The following PKN2 variants were observed in gnomAD, a reference collection of about 807,000 sequenced individuals.
The protein encoded by PKN2 is protein kinase N2.
A neutral mutation model predicts 119.1 loss-of-function variants in PKN2; 38 were observed. The observed-to-expected ratio is 0.32, with a 90% confidence interval of 0.25 to 0.42. The LOEUF is 0.42. PKN2 is among the 10% of genes least tolerant of loss of function. The probability of loss-of-function intolerance (pLI) is 1.00; values close to 1 mark genes in which losing one functional copy is unlikely to be tolerated. For missense variants in PKN2, 850 were observed against 1,165.1 expected, an observed-to-expected ratio of 0.73 and a Z score of 3.94; for synonymous variants, 390 against 384.9, an observed-to-expected ratio of 1.01 and a Z score of -0.15.
chr1:88,747,200 G>A (rs1668804147), intron 2 of PKN2, among the ~76,000 whole-genome samples: 1 of 152,116 alleles, frequency 6.6e-6, no homozygotes, highest in African/African-American at 2.4e-5. Context: ...CTATTACACA[G>A]CATGGTGACT....
chr1:88,797,637 A>G (rs2100856969), intron 8 of PKN2, among the ~76,000 whole-genome samples: 1 of 141,178 alleles, frequency 7.1e-6, no homozygotes, highest in South Asian at 2.3e-4. Flanking sequence ...ACTCCGTCTC[A>G]AAAAAAAAAA....
chr1:88,831,531 T>C (rs1036964973), intron 19 of PKN2, among the ~76,000 whole-genome samples: 1 of 151,906 alleles, frequency 6.6e-6, no homozygotes, highest in African/African-American at 2.4e-5. Flanking sequence ...GTATTTTGAG[T>C]GAGTGAATGA....
chr1:88,793,435 C>T (rs773943338), intron 8 of PKN2, among the ~76,000 whole-genome samples: 1 of 152,124 alleles, frequency 6.6e-6, no homozygotes, highest in Non-Finnish European at 1.5e-5. Flanking sequence ...ACGTATAAGT[C>T]GACCTGTACA....
chr1:88,797,195 G>A (rs1468747112), intron 8 of PKN2, among the ~76,000 whole-genome samples: 2 of 152,020 alleles, frequency 1.3e-5, no homozygotes, highest in African/African-American at 4.8e-5. Context: ...TCAGCCATGT[G>A]TGGTGGCAAG....
chr1:88,763,238 G>C (rs1669517169), intron 3 of PKN2, among the ~76,000 whole-genome samples: 1 of 152,214 alleles, frequency 6.6e-6, no homozygotes, highest in Admixed American at 6.5e-5. Flanking sequence ...TACCTTAAAA[G>C]ATAGATGGAG....
intron 3 of PKN2, among the ~76,000 whole-genome samples, chr1:88,762,629 A>G (rs767815231): frequency 6.6e-6 from 1 of 152,206 alleles, no homozygotes; most frequent in Non-Finnish European, 1.5e-5. Context: ...CAGGTACTCA[A>G]TATATAATAT....
rs202051204 is a variant in PKN2, at chr1:88,783,505, CTTTG to C, written c.986-1127_986-1124del. Among the ~76,000 whole-genome samples the C allele has an allele frequency of 3.8e-3, 583 of 152,176 alleles. 12 individuals are homozygous for C. The highest frequency in any genetic ancestry group is 0.032 in the East Asian group (164 of 5,180). Reference sequence around the variant, plus strand: ...TTTTTTGGTAGTTTGAATTGGGAAGCTTTGTTTGTTACTACTTGGATAGAAATAT... The same window carrying C: ...TTTTTTGGTAGTTTGAATTGGGAAGCTTTGTTACTACTTGGATAGAAATAT... On this transcript the variant is annotated intron_variant, in intron 6 of 21. Coordinates refer to ENST00000370521, the MANE Select transcript of PKN2 (RefSeq NM_006256.4).
rs768329747 is a variant in PKN2, at chr1:88,805,643, C to A, written c.1648C>A (p.Arg550Ser). The A allele has an allele frequency of 1.2e-6, 2 of 1,613,978 alleles. No homozygotes were observed. Among genetic ancestry groups the A allele is most frequent in the Non-Finnish European group, 1.7e-6 (2 of 1,179,984 alleles). The change falls in exon 11 of 22, where the codon CGC (arginine) becomes AGC (serine). Residue 550 changes from arginine to serine, a missense_variant. This residue lies in a region of PKN2 where 216 missense variants were observed against 252.8 expected (regional missense o/e 0.85). Transcript: ENST00000370521. ...TACTACAGTGCCAGTGGTTGATGTACGCATCCCTCAACTAGCACCTCCAGC... is the reference window on the plus strand; with the variant it reads ...TACTACAGTGCCAGTGGTTGATGTAAGCATCCCTCAACTAGCACCTCCAGC... ...VPTTVPVVDV[R>S]IPQLAPPASD...
Position 88,833,403 on chromosome 1 carries a change from G to A in PKN2, c.2910G>A (p.Glu970=), listed in dbSNP as rs755359068. The part of the protein sequence containing the change: ...PREPRILSEE[E]QEMFRDFDYI... ...AACCAAGGATACTTTCGGAAGAGGAGCAGGAAATGTTCAGAGATTTTGACT... is the reference window on the plus strand; with the variant it reads ...AACCAAGGATACTTTCGGAAGAGGAACAGGAAATGTTCAGAGATTTTGACT... Residue 970 remains glutamate, a synonymous_variant, in exon 22 of 22, where the codon GAG becomes GAA. Coordinates refer to ENST00000370521, the MANE Select transcript of PKN2 (RefSeq NM_006256.4). The A allele has an allele frequency of 2.5e-6, 4 of 1,613,342 alleles. No individual in the cohort carries two copies. The highest frequency in any genetic ancestry group is 3.4e-6 in the Non-Finnish European group (4 of 1,179,398).
intron 18 of PKN2, among the ~76,000 whole-genome samples, chr1:88,827,702 G>A (rs1392822342): frequency 8.2e-6 from 1 of 121,386 alleles, no homozygotes; most frequent in Non-Finnish European, 1.6e-5. Flanking sequence ...AATATATATT[G>A]AGATATATAT....
At chr1:88,760,128 G>T in intron 2 of PKN2, 94 bp from the exon 3 acceptor site, 1 of 684,928 alleles carries the variant, frequency 1.5e-6, no homozygotes, top group Non-Finnish European at 2.5e-6. Context: ...TCATCTCAAA[G>T]TTTGAAAAAT....
intron 16 of PKN2, 24 bp downstream of exon 16, chr1:88,813,757 C>G (rs1671872884): frequency 2.0e-6 from 3 of 1,517,122 alleles, no homozygotes; most frequent in Non-Finnish European, 2.6e-6. Context: ...AGACATTTGT[C>G]TGAGTTTTTC....
intron 1 of PKN2, among the ~76,000 whole-genome samples, chr1:88,734,219 G>A (rs1668253611): frequency 6.6e-6 from 1 of 151,516 alleles, no homozygotes. Flanking sequence ...TGCTCAAACT[G>A]TTTTTGCTTT....
Position 88,835,688 on chromosome 1 carries a change from C to G in PKN2, c.*2240C>G, listed in dbSNP as rs1672917555. The stretch of plus-strand genomic sequence containing the variant: ...AATTAGGATATTTTAGAATGGTACA[C>G]TATGCATTCAAATGAAATGTGCCTT... On this transcript the variant is annotated 3_prime_UTR_variant, in exon 22 of 22. Coordinates refer to ENST00000370521, the MANE Select transcript of PKN2 (RefSeq NM_006256.4). The G allele has an allele frequency of 6.6e-6, 1 of 152,328 alleles. No individual in the cohort carries two copies. The highest frequency in any genetic ancestry group is 1.5e-5 in the Non-Finnish European group (1 of 67,918). The allele number at this position is 152,328 out of a possible 1,614,324, so 9.4% of individuals were successfully genotyped here.
intron 1 of PKN2, among the ~76,000 whole-genome samples, chr1:88,726,654 C>T (rs894141809): frequency 6.6e-6 from 1 of 152,088 alleles, no homozygotes; most frequent in Non-Finnish European, 1.5e-5. Flanking sequence ...GTCAGGGTAA[C>T]ACCAACCTCA....
intron 17 of PKN2, among the ~76,000 whole-genome samples, chr1:88,822,446 G>A (rs140585961): frequency 0.011 from 1,653 of 152,206 alleles, 26 homozygotes; most frequent in African/African-American, 0.039. Context: ...TGGTGATGTA[G>A]CTGATCTCTG....
chr1:88,739,060 A>G (rs1217523447), intron 1 of PKN2, among the ~76,000 whole-genome samples: 2 of 152,226 alleles, frequency 1.3e-5, no homozygotes, highest in Non-Finnish European at 2.9e-5. Context: ...ACAACTTCTA[A>G]CAGGTGTAGA....
At chr1:88,730,580 T>C (rs305223) in intron 1 of PKN2, among the ~76,000 whole-genome samples, 1 of 152,212 alleles carries the variant, frequency 6.6e-6, no homozygotes, top group South Asian at 2.1e-4. Context: ...TGTGGTTACT[T>C]CTGGCTGCAG....
chr1:88,807,793 A>G lies in PKN2; in HGVS notation c.2102+18A>G. ...GTAGACAGGTTAGTTTTTAAAAATGAAATTGTTTATTTTTCTGAATTTGTA... is the reference window on the plus strand; with the variant it reads ...GTAGACAGGTTAGTTTTTAAAAATGGAATTGTTTATTTTTCTGAATTTGTA... On this transcript the variant is annotated intron_variant, in intron 15 of 21. Transcript: ENST00000370521. 7.2e-7 allele frequency: 1 copy of G among 1,396,944 alleles called. No homozygotes were observed. The highest frequency in any genetic ancestry group is 9.9e-7 in the Non-Finnish European group (1 of 1,006,112). The allele number at this position is 1,396,944 out of a possible 1,614,324, so 86.5% of individuals were successfully genotyped here.
Sources: allele counts gnomAD v4.1 joint callset (sites outside exome capture counted in the v4.1 genomes callset), GRCh38; gene constraint gnomAD v4.1.1; regional missense constraint gnomAD v4.1.1; transcripts MANE v1.5; gene names NCBI Gene and HGNC (gene_info 2026-07-23, HGNC 2026-07-21).